LRTM1: variants seen among roughly 807,000 people sequenced by gnomAD.
The protein encoded by LRTM1 is leucine-rich repeat and transmembrane domain-containing protein 1.
LRTM1 carries 38 observed loss-of-function variants against 32.4 expected under a neutral mutation model. The observed-to-expected ratio is 1.17, with a 90% CI of 0.91 to 1.54. LRTM1 has a LOEUF of 1.54. Among genes scored for constraint, LRTM1 ranks in the 40% most tolerant of loss-of-function variants. The pLI is 0.00. For synonymous variants in LRTM1, 186 were observed against 169.9 expected (o/e 1.09, Z -0.74); for missense variants, 466 against 415.4 (o/e 1.12, Z -1.06).
chr3:54,928,696 CCCCACACCCCA>C (rs1165504150), upstream of LRTM1, among the ~76,000 whole-genome samples: 1 of 151,980 alleles, frequency 6.6e-6, no homozygotes. Flanking sequence ...TGCTTGCTGC[CCCCACACCCCA>C]CCCACTCCCC....
intron 2 of LRTM1, among the ~76,000 whole-genome samples, chr3:54,923,843 A>G (rs1379975461): frequency 6.6e-6 from 1 of 152,200 alleles, no homozygotes; most frequent in East Asian, 1.9e-4. Flanking sequence ...GGGGTTGGCA[A>G]ACTTTTCTGT....
chr3:54,924,712 T>C lies in LRTM1; in HGVS notation c.511A>G (p.Ser171Gly), dbSNP rs780200127. The C allele has an allele frequency of 6.2e-6, 10 of 1,614,162 alleles. No individual in the cohort carries two copies. Among genetic ancestry groups the C allele is most frequent in the Middle Eastern group, 1.6e-4 (1 of 6,062 alleles). The stretch of plus-strand genomic sequence containing the variant: ...TCCTTGAGAAGTAAAAGCCTCACAC[T>C]GGGCATGGATTCCAGGAGCGCTCGA... ...LDRALLESMP[S>G]VRLLLLKDNL... Residue 171 changes from serine (S) to glycine (G), a missense_variant, in exon 2 of 3, where the codon AGT becomes GGT. Transcript: ENST00000273286.
intron 1 of LRTM1, among the ~76,000 whole-genome samples, chr3:54,937,811 C>A (rs539474583): frequency 3.3e-5 from 5 of 152,044 alleles, no homozygotes; most frequent in Non-Finnish European, 7.3e-5. Context: ...TAGGGACTAG[C>A]AGAAGGCGGG....
intron 1 of LRTM1, among the ~76,000 whole-genome samples, chr3:54,964,810 T>G (rs113352189): frequency 4.0e-5 from 6 of 150,830 alleles, no homozygotes; most frequent in African/African-American, 1.5e-4. Context: ...GGGGAGAGGG[T>G]TATTCTTATT....
intron 1 of LRTM1, among the ~76,000 whole-genome samples, chr3:54,934,720 TTGTTTTGTTTTTTTG>T (rs1169814312): frequency 6.6e-6 from 1 of 152,202 alleles, no homozygotes; most frequent in East Asian, 1.9e-4. Context: ...CCAGTCTGTT[TTGTTTTGTTTTTTTG>T]TGTTTTGTTT....
At chr3:54,948,534 C>G (rs1043538134) in intron 1 of LRTM1, among the ~76,000 whole-genome samples, 2 of 151,286 alleles carry the variant, frequency 1.3e-5, no homozygotes, top group Non-Finnish European at 2.9e-5. Flanking sequence ...ACCATGAGCA[C>G]CTCTGCATGA....
rs567818601 is a variant in LRTM1, at chr3:54,919,948, A to G, written c.605-1056T>C. On this transcript the variant is annotated intron_variant, in intron 2 of 2. Coordinates refer to ENST00000273286, the MANE Select transcript of LRTM1 (RefSeq NM_020678.4). Reference sequence around the variant, plus strand: ...CTCCTCTCAGGAGCGTTGTGAGGTCAGAGGAGTGGGCAGGATGGCCCTCGG... The same window carrying G: ...CTCCTCTCAGGAGCGTTGTGAGGTCGGAGGAGTGGGCAGGATGGCCCTCGG... 4.6e-5 allele frequency among the ~76,000 whole-genome samples: 7 copies of G among 152,292 alleles called. No individual in the cohort carries two copies. In the East Asian group the frequency reaches 1.4e-3, roughly 29 times the overall value.
chr3:54,958,394 A>AT (rs985394713), intron 1 of LRTM1, among the ~76,000 whole-genome samples: 14 of 151,872 alleles, frequency 9.2e-5, no homozygotes, highest in African/African-American at 2.7e-4. Flanking sequence ...CCCCACCTCT[A>AT]TTTTTTTAAA....
At chr3:54,918,995 C>T in intron 2 of LRTM1, 103 bp from the exon 3 acceptor site, 3 of 707,914 alleles carry the variant, frequency 4.2e-6, no homozygotes, top group South Asian at 4.2e-5. Flanking sequence ...TATGAAGTAC[C>T]TTTTTTTTTT....
chr3:54,927,350 CAA>C (rs1479100829), intron 1 of LRTM1, among the ~76,000 whole-genome samples: 10 of 152,128 alleles, frequency 6.6e-5, no homozygotes, highest in African/African-American at 2.2e-4. Flanking sequence ...TCCAGAATAT[CAA>C]AGAGCAAAAC....
intron 2 of LRTM1, among the ~76,000 whole-genome samples, chr3:54,920,776 C>T (rs1437638071): frequency 1.3e-5 from 2 of 152,138 alleles, no homozygotes; most frequent in African/African-American, 4.8e-5. Context: ...GACCACCTGC[C>T]AGGGGGATGG....
chr3:54,918,602 C>G lies in LRTM1; in HGVS notation c.895G>C (p.Val299Leu). 1 of 1,613,976 alleles carries G rather than the reference C, an allele frequency of 6.2e-7. No individual in the cohort carries two copies. Among genetic ancestry groups the G allele is most frequent in the East Asian group, 2.2e-5 (1 of 44,872 alleles). ...VIITGVVCGIVCLMMLAAAIY... is the reference protein window; with the variant it reads ...VIITGVVCGILCLMMLAAAIY... ...GCAGCTGCCAACATCATGAGACACA[C>G]AATCCCACACACAACGCCAGTGATG... The change falls in exon 3 of 3, where the codon GTG (valine) becomes CTG (leucine). Residue 299 changes from valine to leucine, a missense_variant. Coordinates refer to ENST00000273286, the MANE Select transcript of LRTM1 (RefSeq NM_020678.4).
In LRTM1 at chr3:54,927,996, C is replaced by T. The variant is rs1701076168; in HGVS notation, c.-85G>A. The stretch of plus-strand genomic sequence containing the variant: ...CAACACACGAAGGGCATGGCAGACT[C>T]AGAGCCCAGCTTTACATTCAGTCTT... On this transcript the variant is annotated 5_prime_UTR_variant, in exon 1 of 3. Coordinates refer to ENST00000273286, the MANE Select transcript of LRTM1 (RefSeq NM_020678.4). 1.6e-6 allele frequency: 2 copies of T among 1,248,740 alleles called. No homozygotes were observed. The highest frequency in any genetic ancestry group is 1.7e-5 in the Admixed American group (1 of 58,162). The allele number at this position is 1,248,740 out of a possible 1,614,324, so 77.4% of individuals were successfully genotyped here. A position where few individuals can be genotyped will look rare whatever the true frequency, so the allele number is the denominator to read the frequency against.
Position 54,918,587 on chromosome 3 carries a change from A to T in LRTM1, c.910T>A (p.Leu304Met). The T allele has an allele frequency of 6.2e-7, 1 of 1,614,148 alleles. No individual in the cohort carries two copies. The highest frequency in any genetic ancestry group is 8.5e-7 in the Non-Finnish European group (1 of 1,180,000). ...GTGCAGCCATAGATGGCAGCTGCCA[A>T]CATCATGAGACACACAATCCCACAC... ...VVCGIVCLMM[L>M]AAAIYGCTYA... The change falls in exon 3 of 3, where the codon TTG (leucine) becomes ATG (methionine). Residue 304 changes from leucine to methionine, a missense_variant. By Grantham distance (15) the Leu-to-Met change is conservative. Coordinates refer to ENST00000273286, the MANE Select transcript of LRTM1 (RefSeq NM_020678.4).
chr3:54,925,320 A>T, intron 1 of LRTM1, 105 bp from the exon 2 acceptor site: 1 of 928,002 alleles, frequency 1.1e-6, no homozygotes, highest in Non-Finnish European at 1.6e-6. Context: ...CAGCCAGGTG[A>T]AACCTTCTAC....
intron 1 of LRTM1, among the ~76,000 whole-genome samples, chr3:54,944,743 A>C (rs973228561): frequency 6.6e-6 from 1 of 152,060 alleles, no homozygotes; most frequent in African/African-American, 2.4e-5. Flanking sequence ...TTTTTATAGC[A>C]GCCTTTTCTT....
rs1701368862 is a variant in LRTM1, at chr3:54,937,847, A to C, written c.-221-12632T>G. Among the ~76,000 whole-genome samples the C allele has an allele frequency of 2.0e-5, 3 of 152,078 alleles. No individual in the cohort carries two copies. The South Asian group carries it at 6.2e-4, about 32-fold the overall frequency. On this transcript the variant is annotated intron_variant, in intron 1 of 2. Coordinates refer to the LRTM1 transcript ENST00000493075. ...CATGATCACAGCACAGAGGGTGAGG[A>C]AGGAGCTTGGGCAAGCAGGTGCTGG... is the stretch of plus-strand genomic sequence containing the variant.
chr3:54,952,051 G>C (rs1559642823), intron 1 of LRTM1, among the ~76,000 whole-genome samples: 1 of 152,160 alleles, frequency 6.6e-6, no homozygotes, highest in African/African-American at 2.4e-5. Flanking sequence ...ATTTCACCAT[G>C]TTGGCCAGCT....
At chr3:54,935,168 A>T (rs1260326914) in intron 1 of LRTM1, among the ~76,000 whole-genome samples, 1 of 152,142 alleles carries the variant, frequency 6.6e-6, no homozygotes, top group Non-Finnish European at 1.5e-5. Flanking sequence ...CAGTTCTTAG[A>T]AGTCCTTGCT....
Sources: gnomAD v4.1 joint callset for allele counts (sites outside exome capture counted in the v4.1 genomes callset) on GRCh38, gnomAD v4.1.1 for gene constraint, MANE v1.5 for transcripts, NCBI Gene and HGNC (gene_info 2026-07-23, HGNC 2026-07-21) for gene names.